RNF34: variants seen among roughly 807,000 people sequenced by gnomAD.
The protein encoded by RNF34 is ring finger protein 34.
In RNF34, 12 loss-of-function variants were observed where a neutral mutation model predicts 37.9. That is an observed-to-expected ratio of 0.32 (90% CI 0.20 to 0.51). The LOEUF (loss-of-function observed/expected upper bound fraction) is 0.51. RNF34 is among the 20% of genes least tolerant of loss of function. The pLI is 0.97. For synonymous variants in RNF34, 155 were observed against 177.2 expected (o/e 0.87, Z 1.00); for missense variants, 362 against 472.7 (o/e 0.77, Z 2.17).
rs531969313 is a variant in RNF34 at position 121,413,520 on chromosome 12, T to G, written c.7-2639T>G. On this transcript the variant is annotated intron_variant, in intron 1 of 5. Transcript: ENST00000361234. Reference sequence around the variant, plus strand: ...TCCGCCTCCTGGGTTCAAGCGATTCTCCTGCCTCAGCCTCCCGAGTAGCTG... The same window carrying G: ...TCCGCCTCCTGGGTTCAAGCGATTCGCCTGCCTCAGCCTCCCGAGTAGCTG... Among the ~76,000 whole-genome samples, 25 of 149,538 alleles carry G rather than the reference T, an allele frequency of 1.7e-4. No individual in the cohort carries two copies. In the South Asian group the frequency reaches 4.8e-3, roughly 28 times the overall value.
chr12:121,419,699 A>G (rs1363142163), intron 3 of RNF34, among the ~76,000 whole-genome samples: 1 of 152,186 alleles, frequency 6.6e-6, no homozygotes, highest in African/African-American at 2.4e-5. Flanking sequence ...GTGTTTTCTA[A>G]AGTGTTCTGA....
chr12:121,403,414 C>CA (rs60900182), intron 1 of RNF34, among the ~76,000 whole-genome samples: 117 of 136,680 alleles, frequency 8.6e-4, no homozygotes, highest in Non-Finnish European at 1.1e-3. Flanking sequence ...AAAACCAAAA[C>CA]AAAAAAAAAA....
intron 1 of RNF34, among the ~76,000 whole-genome samples, chr12:121,414,002 C>A (rs1453252251): frequency 6.6e-6 from 1 of 152,192 alleles, no homozygotes; most frequent in Non-Finnish European, 1.5e-5. Context: ...TCTTTACCTT[C>A]TCCTTTCTTT....
chr12:121,421,390 A>AC (rs1566236127), intron 5 of RNF34, among the ~76,000 whole-genome samples: 3 of 148,454 alleles, frequency 2.0e-5, no homozygotes, highest in Non-Finnish European at 3.0e-5. Flanking sequence ...AAAAAAAAAA[A>AC]AAAAAAAACC....
intron 3 of RNF34, 158 bp from the exon 4 acceptor site, chr12:121,420,084 A>C: frequency 5.1e-5 from 28 of 554,030 alleles, no homozygotes; most frequent in East Asian, 6.2e-5. Flanking sequence ...GCAATTTTGT[A>C]GGGCCCAACT....
chr12:121,405,319 A>G (rs1236931735), intron 1 of RNF34, among the ~76,000 whole-genome samples: 1 of 152,074 alleles, frequency 6.6e-6, no homozygotes, highest in Non-Finnish European at 1.5e-5. Flanking sequence ...ACCTTCTCAC[A>G]TTTGTCTTCC....
At chr12:121,421,008 T>C (rs1179550400) in intron 5 of RNF34, among the ~76,000 whole-genome samples, 1 of 152,178 alleles carries the variant, frequency 6.6e-6, no homozygotes, top group Non-Finnish European at 1.5e-5. Context: ...TAGAAAATTA[T>C]TCAATTTGGT....
intron 1 of RNF34, among the ~76,000 whole-genome samples, chr12:121,410,199 C>T (rs1555281211): frequency 6.6e-6 from 1 of 151,262 alleles, no homozygotes; most frequent in African/African-American, 2.4e-5. Flanking sequence ...ACTGGGATGC[C>T]AGGAAATATG....
Position 121,400,156 on chromosome 12 carries a change from A to T in RNF34, c.-57A>T, listed in dbSNP as rs1176333186. The T allele has an allele frequency of 6.3e-6, 10 of 1,593,606 alleles. No homozygotes were observed. Among genetic ancestry groups the T allele is most frequent in the Middle Eastern group, 1.7e-4 (1 of 5,894 alleles). On this transcript the variant is annotated 5_prime_UTR_variant, in exon 1 of 6. Coordinates refer to ENST00000361234, the MANE Select transcript of RNF34 (RefSeq NM_025126.4). ...AGGGAAGGAGGTCGGCAGTGTGAGG[A>T]GCTGCTATGGTGCTGAGTTTCCTGG...
At chr12:121,402,263 C>T (rs1175823505) in intron 1 of RNF34, among the ~76,000 whole-genome samples, 1 of 151,808 alleles carries the variant, frequency 6.6e-6, no homozygotes, top group Non-Finnish European at 1.5e-5. Context: ...CATAGCAAAA[C>T]CCTGTCTCGA....
chr12:121,416,940 A>G (rs1434990303), intron 2 of RNF34, among the ~76,000 whole-genome samples: 3 of 152,222 alleles, frequency 2.0e-5, no homozygotes, highest in Non-Finnish European at 1.5e-5. Flanking sequence ...TGCAGGAACA[A>G]TGCAGCGAGC....
chr12:121,402,731 T>C, intron 1 of RNF34: 1 of 1,566,694 alleles, frequency 6.4e-7, no homozygotes, highest in Non-Finnish European at 8.7e-7. Flanking sequence ...TCCTTTTTTT[T>C]TCTCTGAAAG....
At chr12:121,401,898 C>A (rs10744762) in intron 1 of RNF34, among the ~76,000 whole-genome samples, 81,405 of 152,038 alleles carry the variant, frequency 0.54, 22,101 homozygotes, top group African/African-American at 0.61. Context: ...CAGCCTGTGC[C>A]AGATGACAGT....
chr12:121,423,386 A>G lies in RNF34; in HGVS notation c.929A>G (p.Tyr310Cys), dbSNP rs1872331681. 1.2e-6 allele frequency: 2 copies of G among 1,601,480 alleles called. No individual in the cohort carries two copies. Among genetic ancestry groups the G allele is most frequent in the Non-Finnish European group, 1.7e-6 (2 of 1,172,372 alleles). Reference sequence around the variant, plus strand: ...GCCTTAGCTCTCTGTTGCCTTTCAGATGGCGAGCGGCTGCAGCTGCAGGAT... The same window carrying G: ...GCCTTAGCTCTCTGTTGCCTTTCAGGTGGCGAGCGGCTGCAGCTGCAGGAT... ...YKENEENQKS[Y>C]GERLQLQDEE... The change falls in exon 6 of 6, where the codon TAT becomes TGT. Residue 310 changes from tyrosine (Y) to cysteine (C), a missense_variant and splice_region_variant. Coordinates refer to ENST00000361234, the MANE Select transcript of RNF34 (RefSeq NM_025126.4). The surrounding 1 kb of genome is among the most constrained non-coding windows in gnomAD (Gnocchi z 4.3).
chr12:121,407,609 G>C (rs1325977558), intron 1 of RNF34, among the ~76,000 whole-genome samples: 1 of 152,236 alleles, frequency 6.6e-6, no homozygotes, highest in African/African-American at 2.4e-5. Flanking sequence ...GGAGGAAATG[G>C]AGTGGTTTGT....
intron 1 of RNF34, among the ~76,000 whole-genome samples, chr12:121,406,574 A>C (rs1555280709): frequency 6.6e-6 from 1 of 152,188 alleles, no homozygotes; most frequent in Non-Finnish European, 1.5e-5. Flanking sequence ...GGCGTGAGCC[A>C]CCGCGCCGGG....
rs1555283357 is a variant in RNF34, at chr12:121,421,372, A to AAG, written c.928+595_928+596insGA. On this transcript the variant is annotated intron_variant, in intron 5 of 5. Coordinates refer to ENST00000361234, the MANE Select transcript of RNF34 (RefSeq NM_025126.4). The stretch of plus-strand genomic sequence containing the variant: ...GGCAACATAGAGAGATCCCATCTCT[A>AAG]AAAAAAAAAAAAAAAAAAAAAAAAA... Among the ~76,000 whole-genome samples the AAG allele has an allele frequency of 9.3e-5, 5 of 53,874 alleles. No homozygotes were observed. The Admixed American group carries it at 9.5e-4, about 10-fold the overall frequency. 35.3% of individuals were successfully genotyped at this position (53,874 alleles called of 152,430 possible). A position where few individuals can be genotyped will look rare whatever the true frequency, so the allele number is the denominator to read the frequency against.
intron 1 of RNF34, 29 bp from the exon 2 acceptor site, chr12:121,416,130 T>C (rs782631536): frequency 4.4e-6 from 7 of 1,594,580 alleles, no homozygotes; most frequent in African/African-American, 4.0e-5. Flanking sequence ...CACTTAGCTT[T>C]AAACTGTGGG....
intron 1 of RNF34, among the ~76,000 whole-genome samples, chr12:121,400,908 A>G (rs976897876): frequency 1.3e-5 from 2 of 152,188 alleles, no homozygotes; most frequent in African/African-American, 4.8e-5. Context: ...TTTCCGGCCT[A>G]CTTCTGAGAG....
Sources: allele counts gnomAD v4.1 joint callset (sites outside exome capture counted in the v4.1 genomes callset), GRCh38; gene constraint gnomAD v4.1.1; non-coding constraint Gnocchi (gnomAD v3.1); transcripts MANE v1.5; gene names NCBI Gene and HGNC (gene_info 2026-07-23, HGNC 2026-07-21).